The following CWH43 variants were observed in gnomAD, a reference collection of about 807,000 sequenced individuals.
The protein encoded by CWH43 is PGAP2-interacting protein.
Under a neutral mutation model 85.7 loss-of-function variants are expected in CWH43, and 91 were observed. That is an observed-to-expected ratio of 1.06 (90% CI 0.90 to 1.26). The LOEUF (loss-of-function observed/expected upper bound fraction) is 1.26. Among genes scored for constraint, CWH43 ranks in the 50% most tolerant of loss-of-function variants. The probability of loss-of-function intolerance (pLI) is 0.00; values close to 1 mark genes in which losing one functional copy is unlikely to be tolerated. For synonymous variants in CWH43, 323 were observed against 293.6 expected (o/e 1.10, Z -1.02); for missense variants, 869 against 839.2 (o/e 1.04, Z -0.44).
At chr4:48,999,942 T>C (rs543868085) in intron 6 of CWH43, among the ~76,000 whole-genome samples, 1 of 152,224 alleles carries the variant, frequency 6.6e-6, no homozygotes, top group Admixed American at 6.5e-5. Flanking sequence ...CCCTAGTCTT[T>C]GTGAAGAGGA....
chr4:48,994,866 G>A, intron 5 of CWH43, 46 bp downstream of exon 5: 1 of 1,517,968 alleles, frequency 6.6e-7, no homozygotes, highest in Non-Finnish European at 9.1e-7. Context: ...AGTTATGCCT[G>A]GAGGAAGCAA....
At chr4:49,013,542 T>C (rs563968334) in intron 8 of CWH43, among the ~76,000 whole-genome samples, 7 of 152,188 alleles carry the variant, frequency 4.6e-5, no homozygotes, top group South Asian at 2.1e-4. Flanking sequence ...GGTACCTCAG[T>C]TGGAAATGCA....
chr4:49,059,112 G>A (rs1287630774), intron 15 of CWH43, among the ~76,000 whole-genome samples: 1 of 151,992 alleles, frequency 6.6e-6, no homozygotes, highest in Non-Finnish European at 1.5e-5. Context: ...TTTACTTAAT[G>A]ATGACCTATA....
intron 9 of CWH43, among the ~76,000 whole-genome samples, chr4:49,021,705 G>GGA (rs1783755975): frequency 6.6e-6 from 1 of 152,084 alleles, no homozygotes; most frequent in Non-Finnish European, 1.5e-5. Flanking sequence ...GCATTTGTTT[G>GGA]TGTCATCTAA....
At position 49,016,644 on chromosome 4, in the gene CWH43, C is replaced by G; in HGVS notation, c.1187-605C>G. ...AGAGGGCAGATGACACCATCAGAAG[C>G]ATGTGCAGGGGAGGGGCAGTTACTG... On this transcript the variant is annotated intron_variant, in intron 8 of 15. Coordinates refer to ENST00000226432, the MANE Select transcript of CWH43 (RefSeq NM_025087.3). 6 of 753,412 alleles carry G rather than the reference C, an allele frequency of 8.0e-6. No individual in the cohort carries two copies. In the South Asian group the frequency reaches 8.1e-5, roughly 10 times the overall value. The allele number at this position is 753,412 out of a possible 1,614,324, so 46.7% of individuals were successfully genotyped here.
intron 14 of CWH43, among the ~76,000 whole-genome samples, chr4:49,048,900 A>C (rs962522296): frequency 1.3e-5 from 2 of 152,156 alleles, no homozygotes; most frequent in African/African-American, 4.8e-5. Flanking sequence ...CACAAAACTA[A>C]TTTTGTAAGC....
At chr4:49,008,961 C>CT (rs1783259004) in intron 8 of CWH43, among the ~76,000 whole-genome samples, 1 of 152,110 alleles carries the variant, frequency 6.6e-6, no homozygotes, top group Non-Finnish European at 1.5e-5. Flanking sequence ...TATGTGGGCT[C>CT]TTTTTTGGTT....
intron 6 of CWH43, among the ~76,000 whole-genome samples, chr4:49,002,233 T>A (rs1367347880): frequency 6.6e-6 from 1 of 152,068 alleles, no homozygotes; most frequent in African/African-American, 2.4e-5. Context: ...TGGTAAGGGA[T>A]CATTGACAAA....
rs1286431258 is a variant in CWH43, at chr4:49,031,913, C to A, written c.1509-653C>A. On this transcript the variant is annotated intron_variant, in intron 11 of 15. Transcript: ENST00000226432. Reference sequence around the variant, plus strand: ...CCATCAGGAGACCTTTAGGTTTGTGCTAAGTGTGAGATACCCCAAGACAGT... The same window carrying A: ...CCATCAGGAGACCTTTAGGTTTGTGATAAGTGTGAGATACCCCAAGACAGT... Among the ~76,000 whole-genome samples, 6 of 152,244 alleles carry A rather than the reference C, an allele frequency of 3.9e-5. No individual in the cohort carries two copies. The East Asian group carries it at 1.2e-3, about 29-fold the overall frequency.
chr4:49,057,561 A>G (rs1785006621), intron 15 of CWH43, among the ~76,000 whole-genome samples: 1 of 152,032 alleles, frequency 6.6e-6, no homozygotes, highest in Admixed American at 6.6e-5. Context: ...TTTTCCTTTC[A>G]TTTGCACTTG....
At chr4:48,986,619 G>C (rs1202393552) in intron 1 of CWH43, 147 bp downstream of exon 1, 18 of 1,459,132 alleles carry the variant, frequency 1.2e-5, no homozygotes, top group East Asian at 8.0e-5. Context: ...CGTCCCCTGG[G>C]AACTTTTCCT....
chr4:49,015,630 C>T (rs1223234225), intron 8 of CWH43, among the ~76,000 whole-genome samples: 1 of 151,758 alleles, frequency 6.6e-6, no homozygotes, highest in Non-Finnish European at 1.5e-5. Flanking sequence ...GCAAATATTG[C>T]TTCTTTCCCA....
intron 13 of CWH43, among the ~76,000 whole-genome samples, chr4:49,039,190 G>A (rs991457231): frequency 5.6e-5 from 8 of 142,254 alleles, no homozygotes; most frequent in African/African-American, 1.8e-4. Context: ...CAGGGCCCCA[G>A]CAGATGACAC....
intron 8 of CWH43, among the ~76,000 whole-genome samples, chr4:49,014,979 C>T (rs572892563): frequency 7.9e-5 from 12 of 152,114 alleles, no homozygotes; most frequent in Non-Finnish European, 4.4e-5. Flanking sequence ...TCCCTCAGTG[C>T]GGTATCATAC....
At chr4:49,022,041 A>AT (rs1352925064) in intron 9 of CWH43, among the ~76,000 whole-genome samples, 1 of 151,630 alleles carries the variant, frequency 6.6e-6, no homozygotes, top group Non-Finnish European at 1.5e-5. Flanking sequence ...GATACCCTTT[A>AT]TTTTTTTCTC....
chr4:48,991,857 C>T, intron 3 of CWH43, 79 bp from the exon 4 acceptor site: 1 of 1,264,300 alleles, frequency 7.9e-7, no homozygotes, highest in Non-Finnish European at 1.1e-6. Flanking sequence ...GCTACTTATT[C>T]TATGAAACTG....
intron 7 of CWH43, among the ~76,000 whole-genome samples, chr4:49,006,157 A>G (rs1783150006): frequency 6.6e-6 from 1 of 151,852 alleles, no homozygotes; most frequent in African/African-American, 2.4e-5. Context: ...TTTTTTTCTT[A>G]TACCAGCTTG....
At position 48,992,249 on chromosome 4, in the gene CWH43, G is replaced by T. The variant is rs899078164; in HGVS notation, c.511+159G>T. Among the ~76,000 whole-genome samples, 1 of 152,200 alleles carries T rather than the reference G, an allele frequency of 6.6e-6. No individual in the cohort carries two copies. The highest frequency in any genetic ancestry group is 2.4e-5 in the African/African-American group (1 of 41,456). On this transcript the variant is annotated intron_variant, in intron 4 of 15. Coordinates refer to ENST00000226432, the MANE Select transcript of CWH43 (RefSeq NM_025087.3). The surrounding 1 kb of genome is among the most constrained non-coding windows in gnomAD (Gnocchi z 4.3). ...AAATAATAATTGGTGCAGCCAGTGG[G>T]CTATTTGCTAAGCAGGAGGCACATT...
At chr4:49,028,586 T>A (rs924440921) in intron 9 of CWH43, 43 bp from the exon 10 acceptor site, 4 of 1,422,336 alleles carry the variant, frequency 2.8e-6, no homozygotes, top group African/African-American at 1.4e-5. Context: ...GAAACTGCCA[T>A]TGTTCACAGT....
Sources: gnomAD v4.1 joint callset for allele counts (sites outside exome capture counted in the v4.1 genomes callset) on GRCh38, gnomAD v4.1.1 for gene constraint, Gnocchi (gnomAD v3.1) non-coding constraint, MANE v1.5 for transcripts, NCBI Gene and HGNC (gene_info 2026-07-23, HGNC 2026-07-21) for gene names.